ADGRB3: variants seen among roughly 807,000 people sequenced by gnomAD.
ADGRB3 encodes the protein adhesion G protein-coupled receptor B3.
In ADGRB3, 37 loss-of-function variants were observed where a neutral mutation model predicts 193.4. The observed-to-expected ratio is 0.19, with a 90% CI of 0.15 to 0.25. The LOEUF is 0.25. ADGRB3 is among the 10% of genes least tolerant of loss of function. ADGRB3 has a pLI of 1.00. For synonymous variants in ADGRB3, 690 were observed against 644.2 expected, an observed-to-expected ratio of 1.07 and a Z score of -1.08; for missense variants, 1,637 against 1,852.9, an observed-to-expected ratio of 0.88 and a Z score of 2.14.
chr6:68,829,925 A>C (rs1213527651), intron 3 of ADGRB3, among the ~76,000 whole-genome samples: 1 of 152,186 alleles, frequency 6.6e-6, no homozygotes, highest in African/African-American at 2.4e-5. Flanking sequence ...ATAATGATAA[A>C]AATGAGTGTT....
chr6:68,931,609 G>A (rs1767340057), intron 4 of ADGRB3, among the ~76,000 whole-genome samples: 1 of 152,084 alleles, frequency 6.6e-6, no homozygotes, highest in African/African-American at 2.4e-5. Context: ...CCAGTTTCCT[G>A]ACATGACATT....
intron 3 of ADGRB3, among the ~76,000 whole-genome samples, chr6:68,711,966 G>A (rs1765415548): frequency 6.6e-6 from 1 of 151,962 alleles, no homozygotes. Context: ...TCATTATGAA[G>A]GCATAGGTTT....
Position 69,339,370 on chromosome 6 carries a change from C to A in ADGRB3, c.3325C>A (p.Leu1109Met). 1.2e-6 allele frequency: 2 copies of A among 1,613,986 alleles called. No individual in the cohort carries two copies. Among genetic ancestry groups the A allele is most frequent in the South Asian group, 2.2e-5 (2 of 91,076 alleles). The change falls in exon 26 of 32, where the codon CTG (leucine) becomes ATG (methionine). Residue 1109 changes from leucine (L) to methionine (M), a missense_variant. By Grantham distance (15) the Leu-to-Met change is conservative. Around this residue, in one of 7 missense-constraint regions of ADGRB3, gnomAD observed 116 missense variants for 168.1 expected, o/e 0.69. Transcript: ENST00000370598. Reference protein sequence around the residue: ...LWSSCVVLPLLALTWMSAVLA... With the variant: ...LWSSCVVLPLMALTWMSAVLA... ...GAGCTCCTGTGTGGTGTTGCCCCTT[C>A]TGGCTTTGACGTGGATGTCTGCGGT...
chr6:69,056,045 G>T (rs965899066), intron 15 of ADGRB3, among the ~76,000 whole-genome samples: 3 of 152,050 alleles, frequency 2.0e-5, no homozygotes, highest in Non-Finnish European at 4.4e-5. Context: ...TGGCCAGGCT[G>T]GTCTCAAACT....
intron 20 of ADGRB3, among the ~76,000 whole-genome samples, chr6:69,250,858 A>C (rs1337855940): frequency 6.6e-6 from 1 of 152,172 alleles, no homozygotes; most frequent in Non-Finnish European, 1.5e-5. Flanking sequence ...TCTGTTTAAA[A>C]CCCTTTGGTG....
chr6:68,945,477 A>G (rs942459959), intron 6 of ADGRB3, among the ~76,000 whole-genome samples: 1 of 152,078 alleles, frequency 6.6e-6, no homozygotes, highest in Non-Finnish European at 1.5e-5. Context: ...TTGTGCTTTC[A>G]ACAAAGATTT....
intron 3 of ADGRB3, among the ~76,000 whole-genome samples, chr6:68,887,351 C>G (rs1765938994): frequency 6.6e-6 from 1 of 151,962 alleles, no homozygotes; most frequent in African/African-American, 2.4e-5. Context: ...TTTTGGCTTG[C>G]ATTTGAGGGG....
intron 20 of ADGRB3, among the ~76,000 whole-genome samples, chr6:69,310,267 C>T (rs1768162705): frequency 6.6e-6 from 1 of 151,692 alleles, no homozygotes; most frequent in South Asian, 2.1e-4. Flanking sequence ...CATGACATTT[C>T]ATACTGAAGC....
chr6:68,709,587 A>G (rs561178240), intron 3 of ADGRB3, among the ~76,000 whole-genome samples: 15 of 152,270 alleles, frequency 9.9e-5, no homozygotes, highest in African/African-American at 3.6e-4. Flanking sequence ...TCAACATTTC[A>G]GCTGGAGGTG....
chr6:68,882,726 G>A (rs1053337787), intron 3 of ADGRB3, among the ~76,000 whole-genome samples: 1 of 152,002 alleles, frequency 6.6e-6, no homozygotes, highest in Non-Finnish European at 1.5e-5. Context: ...TGGCAGTACA[G>A]ATTTCCTCCT....
At chr6:69,017,297 C>G (rs1375827574) in intron 12 of ADGRB3, among the ~76,000 whole-genome samples, 1 of 151,878 alleles carries the variant, frequency 6.6e-6, no homozygotes, top group Non-Finnish European at 1.5e-5. Context: ...GCCTTTTCGT[C>G]TTCTGCACTA....
At chr6:69,190,630 G>A (rs894708997) in intron 17 of ADGRB3, among the ~76,000 whole-genome samples, 18 of 152,080 alleles carry the variant, frequency 1.2e-4, no homozygotes, top group Admixed American at 6.6e-5. Flanking sequence ...CGTAACTTAA[G>A]TGTACAGTGT....
At chr6:69,211,046 C>T (rs193173822) in intron 17 of ADGRB3, among the ~76,000 whole-genome samples, 1,558 of 152,148 alleles carry the variant, frequency 0.01, 15 homozygotes, top group Non-Finnish European at 0.017. Flanking sequence ...GGCCTGAACC[C>T]GGGAGGCAGA....
chr6:69,386,140 C>T (rs1003912135), intron 31 of ADGRB3, among the ~76,000 whole-genome samples: 9 of 151,956 alleles, frequency 5.9e-5, no homozygotes, highest in African/African-American at 1.9e-4. Context: ...ACTAATAGAA[C>T]CTCTCAGGAA....
intron 31 of ADGRB3, among the ~76,000 whole-genome samples, chr6:69,385,957 C>T (rs1770060846): frequency 6.6e-6 from 1 of 152,028 alleles, no homozygotes; most frequent in Admixed American, 6.6e-5. Context: ...GATCTTGTTC[C>T]CACTCTGACT....
chr6:69,105,523 G>C (rs1582464509), intron 17 of ADGRB3, among the ~76,000 whole-genome samples: 1 of 152,020 alleles, frequency 6.6e-6, no homozygotes, highest in South Asian at 2.1e-4. Flanking sequence ...CTTTTGAAAA[G>C]TCTTGCCAGC....
At chr6:69,009,122 G>A (rs993597800) in intron 11 of ADGRB3, among the ~76,000 whole-genome samples, 3 of 152,040 alleles carry the variant, frequency 2.0e-5, no homozygotes, top group African/African-American at 7.2e-5. Flanking sequence ...ATGCTGCTGT[G>A]CCTGATGTTG....
intron 17 of ADGRB3, among the ~76,000 whole-genome samples, chr6:69,162,453 G>T (rs747235242): frequency 2.4e-4 from 36 of 152,120 alleles, no homozygotes; most frequent in Non-Finnish European, 5.0e-4. Context: ...TAGACAGAGA[G>T]AAGCGCAGCC....
chr6:69,250,146 A>T (rs1582577664), intron 20 of ADGRB3, among the ~76,000 whole-genome samples: 2 of 152,306 alleles, frequency 1.3e-5, no homozygotes, highest in South Asian at 4.1e-4. Context: ...TTGGTAGATG[A>T]TACATCAGTA....
Sources: allele counts gnomAD v4.1 joint callset (sites outside exome capture counted in the v4.1 genomes callset), GRCh38; gene constraint gnomAD v4.1.1; regional missense constraint gnomAD v4.1.1; transcripts MANE v1.5; gene names NCBI Gene and HGNC (gene_info 2026-07-23, HGNC 2026-07-21).